The following PWP1 variants were observed in gnomAD, a reference collection of about 807,000 sequenced individuals.
PWP1 encodes the protein periodic tryptophan protein 1 homolog.
Under a neutral mutation model 69.9 loss-of-function variants are expected in PWP1, and 47 were observed. That is an observed-to-expected ratio of 0.67 (90% CI 0.53 to 0.86). The LOEUF (loss-of-function observed/expected upper bound fraction) is 0.86, where lower values mean the gene tolerates loss of function less well. Among genes scored for constraint, PWP1 ranks in the 40% least tolerant of loss-of-function variants. PWP1 has a pLI of 0.00. For missense variants in PWP1, 551 were observed against 608.8 expected (o/e 0.91, Z 1.00); for synonymous variants, 222 against 208.2 (o/e 1.07, Z -0.57).
intron 14 of PWP1, among the ~76,000 whole-genome samples, chr12:107,711,149 A>T (rs1421502426): frequency 6.6e-6 from 1 of 152,216 alleles, no homozygotes; most frequent in African/African-American, 2.4e-5. Context: ...GAAACGAGGG[A>T]TAGGCCGGAT....
intron 3 of PWP1, chr12:107,692,549 T>C (rs1889500383): frequency 1.4e-5 from 5 of 350,488 alleles, no homozygotes; most frequent in African/African-American, 2.1e-5. Flanking sequence ...TCATATTTTC[T>C]AAAAGGGTCT....
At chr12:107,686,982 A>T (rs1028583465) in intron 1 of PWP1, among the ~76,000 whole-genome samples, 1 of 70,806 alleles carries the variant, frequency 1.4e-5, no homozygotes, top group Admixed American at 1.6e-4. Flanking sequence ...AAAAAAAAAA[A>T]AAAAAAAAAA....
At chr12:107,699,529 C>A in intron 8 of PWP1, 95 bp downstream of exon 8, 1 of 1,005,230 alleles carries the variant, frequency 9.9e-7, no homozygotes, top group Non-Finnish European at 1.5e-6. Context: ...TGCTGTGGAC[C>A]TTTGTGTCTA....
chr12:107,709,125 A>G lies in PWP1; in HGVS notation c.1183A>G (p.Ser395Gly), dbSNP rs111686269. The G allele has an allele frequency of 6.2e-7, 1 of 1,613,780 alleles. No individual in the cohort carries two copies. The highest frequency in any genetic ancestry group is 1.3e-5 in the African/African-American group (1 of 74,828). ...TCTTCCTTTAGGTCTTGATCTTAGC[A>G]GTCAAATCAAGGGCTGTCTCGTGAC... ...NDEISGLDLS[S>G]QIKGCLVTAS... is the part of the protein sequence containing the mutation. Residue 395 changes from serine (S) to glycine (G), a missense_variant, in exon 13 of 15, where the codon AGT becomes GGT. By Grantham distance (56) the Ser-to-Gly change is moderately conservative. Coordinates refer to ENST00000412830, the MANE Select transcript of PWP1 (RefSeq NM_007062.3).
chr12:107,709,253 CTG>C (rs1240967677), intron 13 of PWP1, 21 bp downstream of exon 13: 2 of 1,608,744 alleles, frequency 1.2e-6, no homozygotes, highest in Non-Finnish European at 1.7e-6. Context: ...CCCTGGGTAT[CTG>C]TTTTTTATTT....
intron 5 of PWP1, 67 bp downstream of exon 5, chr12:107,693,163 C>A (rs1889519465): frequency 6.5e-7 from 1 of 1,526,964 alleles, no homozygotes. Context: ...AAATAGTTAC[C>A]ATTTCATTTT....
At chr12:107,710,132 C>CA (rs1174582883) in intron 13 of PWP1, among the ~76,000 whole-genome samples, 1 of 152,150 alleles carries the variant, frequency 6.6e-6, no homozygotes, top group East Asian at 1.9e-4. Flanking sequence ...CCCTAAGAGA[C>CA]AGAGTGATAA....
intron 1 of PWP1, among the ~76,000 whole-genome samples, chr12:107,687,294 A>G (rs1889389678): frequency 6.6e-6 from 1 of 152,218 alleles, no homozygotes; most frequent in African/African-American, 2.4e-5. Context: ...ACAGAAAATT[A>G]TTTCATATAA....
intron 9 of PWP1, among the ~76,000 whole-genome samples, chr12:107,703,238 G>A (rs1254831636): frequency 6.6e-6 from 1 of 152,140 alleles, no homozygotes; most frequent in Non-Finnish European, 1.5e-5. Context: ...GTACAGAAAG[G>A]TACGGTTACT....
At chr12:107,687,479 T>G (rs1013657052) in intron 1 of PWP1, among the ~76,000 whole-genome samples, 1 of 152,242 alleles carries the variant, frequency 6.6e-6, no homozygotes, top group African/African-American at 2.4e-5. Context: ...TAGTGTAGCC[T>G]AAATTATTTA....
At chr12:107,707,204 T>G (rs1462221578) in intron 11 of PWP1, among the ~76,000 whole-genome samples, 1 of 152,136 alleles carries the variant, frequency 6.6e-6, no homozygotes. Flanking sequence ...GTTTGTCTAT[T>G]ATTGGTGTAT....
intron 11 of PWP1, among the ~76,000 whole-genome samples, chr12:107,707,013 T>C (rs1889837415): frequency 6.6e-6 from 1 of 152,150 alleles, no homozygotes; most frequent in Non-Finnish European, 1.5e-5. Context: ...TTCACAATAT[T>C]GATTCTTCCT....
chr12:107,709,253 C>CTGTT, intron 13 of PWP1, 21 bp downstream of exon 13: 2 of 1,608,744 alleles, frequency 1.2e-6, no homozygotes, highest in Non-Finnish European at 1.7e-6. Flanking sequence ...CCCTGGGTAT[C>CTGTT]TGTTTTTTAT....
chr12:107,693,545 A>G (rs919082223), intron 5 of PWP1, among the ~76,000 whole-genome samples: 1 of 152,066 alleles, frequency 6.6e-6, no homozygotes, highest in East Asian at 1.9e-4. Flanking sequence ...TACTCCTGCT[A>G]TAAAAAACCT....
At chr12:107,700,411 A>G (rs28821814) in intron 8 of PWP1, among the ~76,000 whole-genome samples, 18 of 152,166 alleles carry the variant, frequency 1.2e-4, no homozygotes, top group African/African-American at 3.6e-4. Flanking sequence ...TTGACTAAGC[A>G]TCTCATATGA....
At chr12:107,707,409 C>G (rs1889844821) in intron 11 of PWP1, among the ~76,000 whole-genome samples, 2 of 152,152 alleles carry the variant, frequency 1.3e-5, no homozygotes, top group Non-Finnish European at 1.5e-5. Context: ...GCCTGATTGC[C>G]CTGGCCAGAA....
chr12:107,712,061 G>GACTT (rs1341312630), intron 14 of PWP1, 50 bp from the exon 15 acceptor site: 1 of 1,476,056 alleles, frequency 6.8e-7, no homozygotes, highest in Non-Finnish European at 9.5e-7. Flanking sequence ...TTTATATTCT[G>GACTT]ACTTAATTTC....
intron 14 of PWP1, 41 bp downstream of exon 14, chr12:107,710,551 G>C: frequency 1.6e-6 from 1 of 642,976 alleles, no homozygotes; most frequent in Non-Finnish European, 2.1e-6. Flanking sequence ...CCCTGCCCCT[G>C]TAAAAAAAAA....
At chr12:107,707,049 A>G (rs1217855269) in intron 11 of PWP1, among the ~76,000 whole-genome samples, 1 of 152,006 alleles carries the variant, frequency 6.6e-6, no homozygotes, top group Non-Finnish European at 1.5e-5. Flanking sequence ...ATGTTCTTCC[A>G]TTTGTTTGTG....
Sources: gnomAD v4.1 joint callset for allele counts (sites outside exome capture counted in the v4.1 genomes callset) on GRCh38, gnomAD v4.1.1 for gene constraint, MANE v1.5 for transcripts, NCBI Gene and HGNC (gene_info 2026-07-23, HGNC 2026-07-21) for gene names.